The following NLRP5 variants were observed in gnomAD, a reference collection of about 807,000 sequenced individuals.
NLRP5 encodes NACHT, LRR and PYD domains-containing protein 5.
Under a neutral mutation model 113.1 loss-of-function variants are expected in NLRP5, and 93 were observed. The observed-to-expected ratio is 0.82, with a 90% CI of 0.70 to 0.98. The LOEUF is 0.98. NLRP5 is among the 50% of genes least tolerant of loss of function. The probability of loss-of-function intolerance (pLI) is 0.00; values close to 1 mark genes in which losing one functional copy is unlikely to be tolerated. For missense variants in NLRP5, 1,808 were observed against 1,514.3 expected (o/e 1.19, Z -3.22); for synonymous variants, 751 against 600.7 (o/e 1.25, Z -3.66).
chr19:56,053,685 G>T lies in NLRP5; in HGVS notation c.3176G>T (p.Cys1059Phe). 1 of 1,613,948 alleles carries T rather than the reference G, an allele frequency of 6.2e-7. No homozygotes were observed. The highest frequency in any genetic ancestry group is 8.5e-7 in the Non-Finnish European group (1 of 1,179,880). Reference sequence around the variant, plus strand: ...GCCGCGTGCTGTGAGAGTCTGTCCTGTGTGATCTCGAGGAGCAGACACCTG... The same window carrying T: ...GCCGCGTGCTGTGAGAGTCTGTCCTTTGTGATCTCGAGGAGCAGACACCTG... Residue 1059 changes from cysteine (C) to phenylalanine (F), a missense_variant, in exon 13 of 15, where the codon TGT (cysteine) becomes TTT (phenylalanine). Transcript: ENST00000390649.
chr19:56,053,444 C>A (rs1984005991), intron 12 of NLRP5, among the ~76,000 whole-genome samples, 194 bp from the exon 13 acceptor site: 1 of 152,174 alleles, frequency 6.6e-6, no homozygotes, highest in Non-Finnish European at 1.5e-5. Flanking sequence ...ACACCAGACA[C>A]TTTCCCCGCC....
At chr19:56,020,085 G>T (rs1982559296) in intron 5 of NLRP5, among the ~76,000 whole-genome samples, 1 of 151,818 alleles carries the variant, frequency 6.6e-6, no homozygotes. Flanking sequence ...GCCCACCTCG[G>T]CCTCCCAAAG....
chr19:56,053,807 G>C lies in NLRP5; in HGVS notation c.3298G>C (p.Gly1100Arg). 1.2e-6 allele frequency: 2 copies of C among 1,612,634 alleles called. No homozygotes were observed. Among genetic ancestry groups the C allele is most frequent in the East Asian group, 2.2e-5 (1 of 44,832 alleles). The change falls in exon 13 of 15, where the codon GGG becomes CGG. Residue 1100 changes from glycine (G) to arginine (R), a missense_variant and splice_region_variant. Coordinates refer to ENST00000390649, the MANE Select transcript of NLRP5 (RefSeq NM_153447.4). The stretch of plus-strand genomic sequence containing the variant: ...AAAGAACAGTGTTCTGGCGAGACTC[G>C]GGTAACTTCCTGGGGCGCCTCTTTG...
At chr19:56,022,291 C>T (rs1430150386) in intron 6 of NLRP5, among the ~76,000 whole-genome samples, 1 of 152,206 alleles carries the variant, frequency 6.6e-6, no homozygotes, top group East Asian at 1.9e-4. Context: ...ACAATCACAG[C>T]TCACTGCAGC....
rs1983209325 is a variant in NLRP5, at chr19:56,033,697, T to G, written c.2603T>G (p.Leu868Trp). The G allele has an allele frequency of 4.3e-6, 7 of 1,612,954 alleles. No individual in the cohort carries two copies. Among genetic ancestry groups the G allele is most frequent in the Non-Finnish European group, 5.9e-6 (7 of 1,179,484 alleles). Residue 868 changes from leucine (L) to tryptophan (W), a missense_variant, in exon 9 of 15, where the codon TTG becomes TGG. Leu to Trp is a moderately conservative substitution (Grantham distance 61). Transcript: ENST00000390649. ...GCCTTAAAACACCCAAAATGTTTGT[T>G]GGAGTCTTTGAGGTACGTCTCTGGT...
At chr19:56,055,742 T>G (rs533075843) in intron 13 of NLRP5, among the ~76,000 whole-genome samples, 1 of 151,632 alleles carries the variant, frequency 6.6e-6, no homozygotes, top group East Asian at 1.9e-4. Context: ...AGACGGGGTT[T>G]CACCGTGTTA....
chr19:56,043,873 G>A (rs545736337), intron 11 of NLRP5, among the ~76,000 whole-genome samples: 5 of 151,354 alleles, frequency 3.3e-5, no homozygotes, highest in Non-Finnish European at 5.9e-5. Context: ...CACCACGCCT[G>A]GCCTCTGCTG....
intron 1 of NLRP5, chr19:55,999,916 A>C (rs981665366): frequency 1.4e-6 from 1 of 724,788 alleles, no homozygotes; most frequent in African/African-American, 1.7e-5. Flanking sequence ...GCAGCAGAAC[A>C]CTCCCCGGGG....
At chr19:56,056,688 C>G (rs1221583667) in intron 13 of NLRP5, among the ~76,000 whole-genome samples, 1 of 152,208 alleles carries the variant, frequency 6.6e-6, no homozygotes, top group African/African-American at 2.4e-5. Flanking sequence ...CTCTCCCTTG[C>G]CTCTATCCTC....
Position 56,061,613 on chromosome 19 carries a change from G to GT in NLRP5, c.*87dup. ...CTCAGAGCAAGCTATGCACCTGGGA[G>GT]TTCCTTCTCAAAGATGGAGAATGAT... On this transcript the variant is annotated 3_prime_UTR_variant, in exon 15 of 15. Transcript: ENST00000390649. 7.1e-7 allele frequency: 1 copy of GT among 1,416,806 alleles called. No homozygotes were observed. Among genetic ancestry groups the GT allele is most frequent in the Non-Finnish European group, 9.8e-7 (1 of 1,015,680 alleles). The allele number at this position is 1,416,806 out of a possible 1,614,324, so 87.8% of individuals were successfully genotyped here.
intron 1 of NLRP5, among the ~76,000 whole-genome samples, chr19:56,001,103 A>G (rs1168423333): frequency 6.6e-6 from 1 of 151,282 alleles, no homozygotes; most frequent in Non-Finnish European, 1.5e-5. Flanking sequence ...TAAGAGGATT[A>G]CTTGAGCCCA....
At chr19:56,021,033 G>T (rs199726671) in intron 6 of NLRP5, among the ~76,000 whole-genome samples, 1 of 151,910 alleles carries the variant, frequency 6.6e-6, no homozygotes, top group East Asian at 1.9e-4. Context: ...CACCATGCCC[G>T]ACTAATTTTT....
chr19:55,987,245 C>A, the NLRP5 span, among the ~76,000 whole-genome samples: 2 of 152,190 alleles, frequency 1.3e-5, no homozygotes, highest in African/African-American at 4.8e-5. Context: ...TGGCATGTGC[C>A]TATAATCCCA....
chr19:56,005,356 T>TG (rs1266988375), intron 2 of NLRP5, among the ~76,000 whole-genome samples: 34 of 95,900 alleles, frequency 3.5e-4, no homozygotes, highest in African/African-American at 1.7e-3. Flanking sequence ...TACACATATA[T>TG]TTTTATATAC....
chr19:56,018,186 T>A (rs535460707), intron 4 of NLRP5, among the ~76,000 whole-genome samples: 4 of 152,342 alleles, frequency 2.6e-5, no homozygotes, highest in African/African-American at 9.6e-5. Flanking sequence ...CGCCTGTAAC[T>A]TGATTCCCAT....
At chr19:55,991,278 A>G in the NLRP5 span, among the ~76,000 whole-genome samples, 12 of 152,222 alleles carry the variant, frequency 7.9e-5, no homozygotes, top group African/African-American at 2.7e-4. Flanking sequence ...GCCCCCGGAA[A>G]TGGTGACCTT....
At chr19:55,997,782 G>C, upstream of NLRP5, among the ~76,000 whole-genome samples, 1 of 152,030 alleles carries the variant, frequency 6.6e-6, no homozygotes, top group East Asian at 1.9e-4. Flanking sequence ...AGGATCACTT[G>C]ACCCCAGAAG....
intron 14 of NLRP5, among the ~76,000 whole-genome samples, chr19:56,059,899 G>A (rs190776686): frequency 9.2e-5 from 14 of 152,290 alleles, no homozygotes; most frequent in Admixed American, 7.8e-4. Context: ...TCCAGCTGAT[G>A]GCAGTTGAGT....
At chr19:55,999,891 T>C (rs758972594) in intron 1 of NLRP5, 10 of 834,476 alleles carry the variant, frequency 1.2e-5, no homozygotes, top group Non-Finnish European at 1.9e-5. Context: ...GCTGCAATGT[T>C]ATTAGCAATC....
Sources: allele counts gnomAD v4.1 joint callset (sites outside exome capture counted in the v4.1 genomes callset), GRCh38; gene constraint gnomAD v4.1.1; transcripts MANE v1.5; gene names NCBI Gene and HGNC (gene_info 2026-07-23, HGNC 2026-07-21).